Variants in PPP1R16B observed in about 807,000 individuals in gnomAD.
PPP1R16B encodes protein phosphatase 1 regulatory inhibitor subunit 16B.
A neutral mutation model predicts 61.7 loss-of-function variants in PPP1R16B; 14 were observed. That is an observed-to-expected ratio of 0.23 (90% CI 0.15 to 0.35). PPP1R16B has a LOEUF of 0.35. Among genes scored for constraint, PPP1R16B ranks in the 10% least tolerant of loss-of-function variants. The pLI, the probability that PPP1R16B is intolerant of heterozygous loss-of-function variation, is 1.00. For missense variants in PPP1R16B, 547 were observed against 752.5 expected, an observed-to-expected ratio of 0.73 and a Z score of 3.19; for synonymous variants, 266 against 305.3, an observed-to-expected ratio of 0.87 and a Z score of 1.34.
intron 2 of PPP1R16B, among the ~76,000 whole-genome samples, chr20:38,843,931 G>T (rs925410657): frequency 2.0e-5 from 3 of 152,090 alleles, no homozygotes; most frequent in African/African-American, 7.2e-5. Flanking sequence ...TTATGTAGTT[G>T]GAAAAGGGAG....
intron 4 of PPP1R16B, among the ~76,000 whole-genome samples, chr20:38,899,810 T>A (rs1182185077): frequency 1.3e-5 from 2 of 151,782 alleles, no homozygotes; most frequent in African/African-American, 4.8e-5. Context: ...TTTTTTTTTT[T>A]AAACTTGCTC....
chr20:38,833,365 T>C (rs561660837), intron 1 of PPP1R16B, among the ~76,000 whole-genome samples: 37 of 152,328 alleles, frequency 2.4e-4, no homozygotes, highest in Admixed American at 7.2e-4. Flanking sequence ...AGGTGGTAGA[T>C]ACATTGATAC....
In PPP1R16B at chr20:38,920,472, G is replaced by A. The variant is rs1440622600; in HGVS notation, c.*1806G>A. The A allele has an allele frequency of 2.6e-5, 4 of 152,682 alleles. No homozygotes were observed. Among genetic ancestry groups the A allele is most frequent in the African/African-American group, 9.6e-5 (4 of 41,464 alleles). 9.5% of individuals were successfully genotyped at this position (152,682 alleles called of 1,614,324 possible). On this transcript the variant is annotated 3_prime_UTR_variant, in exon 11 of 11. Coordinates refer to ENST00000299824, the MANE Select transcript of PPP1R16B (RefSeq NM_015568.4). ...GGGACTGGAAGACCATCCCCGCCTTGTGCCACAACTTTGGTCATGGGATCT... is the reference window on the plus strand; with the variant it reads ...GGGACTGGAAGACCATCCCCGCCTTATGCCACAACTTTGGTCATGGGATCT...
At chr20:38,832,046 G>A (rs1459991489) in intron 1 of PPP1R16B, among the ~76,000 whole-genome samples, 1 of 152,156 alleles carries the variant, frequency 6.6e-6, no homozygotes, top group Non-Finnish European at 1.5e-5. Context: ...CTTTCAACTG[G>A]TGAAATCCTA....
chr20:38,856,805 G>A (rs147786168), intron 2 of PPP1R16B, among the ~76,000 whole-genome samples: 1 of 152,338 alleles, frequency 6.6e-6, no homozygotes, highest in Non-Finnish European at 1.5e-5. Context: ...CACATAAGAG[G>A]CGTAGCCAGG....
chr20:38,818,777 T>C (rs1312603936), intron 1 of PPP1R16B, among the ~76,000 whole-genome samples: 1 of 151,140 alleles, frequency 6.6e-6, no homozygotes, highest in Non-Finnish European at 1.5e-5. Flanking sequence ...TTTTTTCCCC[T>C]TGAGACAAGA....
rs569569091 is a variant in PPP1R16B, at chr20:38,863,072, T to C, written c.251-26523T>C. ...CTGGGTCATGAAGCAGAGAGAACATTTGTGGGCTCTCCCAGCCCAGAACTG... is the reference window on the plus strand; with the variant it reads ...CTGGGTCATGAAGCAGAGAGAACATCTGTGGGCTCTCCCAGCCCAGAACTG... On this transcript the variant is annotated intron_variant, in intron 2 of 10. Coordinates refer to ENST00000299824, the MANE Select transcript of PPP1R16B (RefSeq NM_015568.4). 1.9e-3 allele frequency among the ~76,000 whole-genome samples: 287 copies of C among 152,262 alleles called. 1 individual carries two copies. Among genetic ancestry groups the C allele is most frequent in the African/African-American group, 6.3e-3 (261 of 41,554 alleles).
At chr20:38,854,761 G>A (rs1328942072) in intron 2 of PPP1R16B, among the ~76,000 whole-genome samples, 1 of 152,188 alleles carries the variant, frequency 6.6e-6, no homozygotes, top group Non-Finnish European at 1.5e-5. Context: ...TGGAAATAAA[G>A]GATAGACAGT....
intron 1 of PPP1R16B, among the ~76,000 whole-genome samples, chr20:38,825,787 C>T (rs1176085997): frequency 1.3e-5 from 2 of 152,146 alleles, no homozygotes; most frequent in Non-Finnish European, 2.9e-5. Flanking sequence ...GCATAAAGTA[C>T]CATGCCCAGC....
intron 1 of PPP1R16B, among the ~76,000 whole-genome samples, chr20:38,815,102 A>G (rs1459504666): frequency 6.6e-6 from 1 of 152,148 alleles, no homozygotes; most frequent in Non-Finnish European, 1.5e-5. Context: ...CATGCTTTTT[A>G]ATTACACAAA....
At chr20:38,892,802 G>T (rs1281372611) in intron 3 of PPP1R16B, among the ~76,000 whole-genome samples, 1 of 152,222 alleles carries the variant, frequency 6.6e-6, no homozygotes, top group Non-Finnish European at 1.5e-5. Flanking sequence ...GTAGGAGCTT[G>T]CTAGCTAGAA....
intron 1 of PPP1R16B, among the ~76,000 whole-genome samples, chr20:38,816,766 T>C (rs541738089): frequency 2.6e-5 from 4 of 152,286 alleles, no homozygotes; most frequent in Non-Finnish European, 4.4e-5. Context: ...ATAGAGCCAA[T>C]TGCAAAGCAT....
At position 38,895,553 on chromosome 20, in the gene PPP1R16B, T is replaced by C. The variant is rs1234662292; in HGVS notation, c.322-12T>C. 1.2e-6 allele frequency: 2 copies of C among 1,613,228 alleles called. No homozygotes were observed. The highest frequency in any genetic ancestry group is 1.7e-6 in the Non-Finnish European group (2 of 1,179,292). Reference sequence around the variant, plus strand: ...CTGCCTGGAGCTGACTCTGCCTGTGTGTCTCTCCCAGTGCTGCATCGACAA... The same window carrying C: ...CTGCCTGGAGCTGACTCTGCCTGTGCGTCTCTCCCAGTGCTGCATCGACAA... On this transcript the variant is annotated splice_polypyrimidine_tract_variant and intron_variant, in intron 3 of 10. Transcript: ENST00000299824.
chr20:38,847,286 C>G (rs995346757), intron 2 of PPP1R16B, among the ~76,000 whole-genome samples: 2 of 152,186 alleles, frequency 1.3e-5, no homozygotes, highest in African/African-American at 4.8e-5. Context: ...AAAATCGAGA[C>G]AGTTAAGGTT....
Position 38,813,815 on chromosome 20 carries a change from G to A in PPP1R16B, c.-102+8023G>A, listed in dbSNP as rs557402709. 7.4e-5 allele frequency among the ~76,000 whole-genome samples: 10 copies of A among 135,972 alleles called. No individual in the cohort carries two copies. In the South Asian group the frequency reaches 9.5e-4, roughly 13 times the overall value. The allele number at this position is 135,972 out of a possible 152,430, so 89.2% of individuals were successfully genotyped here. On this transcript the variant is annotated intron_variant, in intron 1 of 10. Transcript: ENST00000299824. ...TTATTATTATTATTATTATTATTTTGAGACACAGTCTCACTCTGTCGTCCA... is the reference window on the plus strand; with the variant it reads ...TTATTATTATTATTATTATTATTTTAAGACACAGTCTCACTCTGTCGTCCA...
intron 2 of PPP1R16B, among the ~76,000 whole-genome samples, chr20:38,852,747 CTTT>C (rs1185726609): frequency 3.2e-5 from 1 of 31,492 alleles, no homozygotes. Flanking sequence ...CCACTGTTTC[CTTT>C]TTTTTTTTTT....
At chr20:38,826,091 G>C (rs898536364) in intron 1 of PPP1R16B, among the ~76,000 whole-genome samples, 4 of 152,198 alleles carry the variant, frequency 2.6e-5, no homozygotes, top group African/African-American at 7.2e-5. Flanking sequence ...TACCCGATGT[G>C]AAGGGCCATC....
In PPP1R16B at chr20:38,921,707, C is replaced by G. The variant is rs993986900; in HGVS notation, c.*3041C>G. The G allele has an allele frequency of 6.6e-6, 1 of 152,250 alleles. No homozygotes were observed. Among genetic ancestry groups the G allele is most frequent in the African/African-American group, 2.4e-5 (1 of 41,466 alleles). The allele number at this position is 152,250 out of a possible 1,614,324, so 9.4% of individuals were successfully genotyped here. ...GGACTCTATAATAGCAGCTTGAGATCAGTGTCTAGAAGACTGTTCTGCAAT... is the reference window on the plus strand; with the variant it reads ...GGACTCTATAATAGCAGCTTGAGATGAGTGTCTAGAAGACTGTTCTGCAAT... On this transcript the variant is annotated 3_prime_UTR_variant, in exon 11 of 11. Transcript: ENST00000299824.
intron 10 of PPP1R16B, among the ~76,000 whole-genome samples, chr20:38,912,731 C>A (rs996615038): frequency 6.6e-6 from 1 of 152,002 alleles, no homozygotes; most frequent in Non-Finnish European, 1.5e-5. Context: ...CCAGATGTGG[C>A]GATACTGCTG....
Sources: allele counts gnomAD v4.1 joint callset (sites outside exome capture counted in the v4.1 genomes callset), GRCh38; gene constraint gnomAD v4.1.1; transcripts MANE v1.5; gene names NCBI Gene and HGNC (gene_info 2026-07-23, HGNC 2026-07-21).